The following TTLL9 variants were observed in gnomAD, a reference collection of about 807,000 sequenced individuals.
The protein encoded by TTLL9 is tubulin tyrosine ligase like 9, also known as probable tubulin polyglutamylase TTLL9.
Under a neutral mutation model 65.6 loss-of-function variants are expected in TTLL9, and 47 were observed. The observed-to-expected ratio is 0.72, with a 90% CI of 0.57 to 0.91. The LOEUF (loss-of-function observed/expected upper bound fraction) is 0.91. Ranked by LOEUF, TTLL9 falls within the 40% of genes least tolerant of loss-of-function variation. The probability of loss-of-function intolerance (pLI) is 0.00; values close to 1 mark genes in which losing one functional copy is unlikely to be tolerated. For synonymous variants in TTLL9, 179 were observed against 204.8 expected, an observed-to-expected ratio of 0.87 and a Z score of 1.07; for missense variants, 537 against 568.8, an observed-to-expected ratio of 0.94 and a Z score of 0.57.
intron 13 of TTLL9, 114 bp downstream of exon 13, chr20:31,937,623 G>C: frequency 1.3e-6 from 1 of 764,180 alleles, no homozygotes; most frequent in Non-Finnish European, 2.1e-6. Flanking sequence ...CGATGGCTCT[G>C]GCCTGCCCCA....
At chr20:31,879,781 G>C in intron 2 of TTLL9, 1 of 1,540,524 alleles carries the variant, frequency 6.5e-7, no homozygotes, top group African/African-American at 1.4e-5. Context: ...CATCCAATCA[G>C]AGCGGCGGAT....
chr20:31,876,995 T>A (rs2063046576), intron 2 of TTLL9, among the ~76,000 whole-genome samples: 1 of 152,230 alleles, frequency 6.6e-6, no homozygotes, highest in Non-Finnish European at 1.5e-5. Flanking sequence ...ACTGGCCATT[T>A]GAGTTTCTTC....
At chr20:31,909,657 G>C in intron 5 of TTLL9, 80 bp from the exon 6 acceptor site, 9 of 1,355,718 alleles carry the variant, frequency 6.6e-6, no homozygotes, top group Non-Finnish European at 9.2e-6. Context: ...GCTGCAGGGT[G>C]GCTGGTGGAT....
intron 6 of TTLL9, among the ~76,000 whole-genome samples, chr20:31,912,970 C>A (rs980388909): frequency 3.3e-5 from 5 of 151,916 alleles, no homozygotes; most frequent in African/African-American, 1.2e-4. Context: ...CCAGCCTGGG[C>A]AACATAGCAA....
intron 4 of TTLL9, chr20:31,901,187 A>C (rs2063473277): frequency 6.6e-6 from 1 of 152,304 alleles, no homozygotes; most frequent in African/African-American, 2.4e-5. Flanking sequence ...GAAGCCTTGG[A>C]ACTATAGCAA....
intron 2 of TTLL9, chr20:31,879,841 C>A (rs768486608): frequency 1.9e-6 from 3 of 1,549,828 alleles, no homozygotes; most frequent in Non-Finnish European, 1.7e-6. Flanking sequence ...GCACGCGAGG[C>A]GCGCGGTGGC....
chr20:31,923,118 T>C (rs2063837825), intron 8 of TTLL9, 65 bp downstream of exon 8: 2 of 1,323,090 alleles, frequency 1.5e-6, no homozygotes, highest in Non-Finnish European at 2.2e-6. Context: ...GTCAACAAGC[T>C]TTGACCAGCA....
At chr20:31,920,437 G>C (rs2063800171) in intron 7 of TTLL9, among the ~76,000 whole-genome samples, 1 of 152,156 alleles carries the variant, frequency 6.6e-6, no homozygotes, top group Non-Finnish European at 1.5e-5. Context: ...ACACAGTACA[G>C]TAGAAATCCT....
intron 14 of TTLL9, chr20:31,939,900 GA>G (rs1308579006): frequency 6.6e-6 from 1 of 152,230 alleles, no homozygotes; most frequent in Non-Finnish European, 1.5e-5. Flanking sequence ...TTGTCCGCTA[GA>G]CTCTCCTGCC....
intron 3 of TTLL9, among the ~76,000 whole-genome samples, chr20:31,892,310 G>A (rs773083354): frequency 3.3e-5 from 5 of 151,488 alleles, no homozygotes; most frequent in Non-Finnish European, 5.9e-5. Context: ...CTCCCAAGTA[G>A]CTGGGATTAC....
intron 2 of TTLL9, 145 bp from the exon 3 acceptor site, chr20:31,887,050 CT>C: frequency 1.3e-6 from 1 of 749,122 alleles, no homozygotes; most frequent in Non-Finnish European, 2.2e-6. Flanking sequence ...CCAGTGGGAA[CT>C]TGATCAGGCT....
At position 31,884,968 on chromosome 20, in the gene TTLL9, A is replaced by T. The variant is rs146385867; in HGVS notation, c.70-2228A>T. ...ATTTAAAAATACTGTATCCAATAGC[A>T]TCATAAAATCAAATACCTATGAATG... is the stretch of plus-strand genomic sequence containing the variant. On this transcript the variant is annotated intron_variant, in intron 2 of 14. Transcript: ENST00000535842. Among the ~76,000 whole-genome samples the T allele has an allele frequency of 3.6e-3, 551 of 152,364 alleles. 3 individuals carry two copies. Among genetic ancestry groups the T allele is most frequent in the African/African-American group, 0.012 (518 of 41,586 alleles).
chr20:31,887,348 G>A, intron 3 of TTLL9, 109 bp downstream of exon 3: 1 of 1,240,862 alleles, frequency 8.1e-7, no homozygotes, highest in South Asian at 1.3e-5. Context: ...TAATGAAAAT[G>A]ATAGTAGAAG....
intron 7 of TTLL9, among the ~76,000 whole-genome samples, chr20:31,920,227 G>GCACACACACA (rs1271389019): frequency 2.0e-5 from 2 of 102,006 alleles, no homozygotes; most frequent in African/African-American, 7.2e-5. Context: ...AAGCAAACAC[G>GCACACACACA]CGCACACACA....
In TTLL9 at chr20:31,937,379, C is replaced by T; in HGVS notation, c.1005-17C>T. On this transcript the variant is annotated splice_polypyrimidine_tract_variant and intron_variant, in intron 12 of 14. Coordinates refer to ENST00000535842, the MANE Select transcript of TTLL9 (RefSeq NM_001008409.5). ...GACCGAGTAACCCTAAGACTCTCTA[C>T]TCCCCTCCCTTCCCAGGTGGCTCCT... 2 of 1,604,242 alleles carry T rather than the reference C, an allele frequency of 1.2e-6. No individual in the cohort carries two copies. The highest frequency in any genetic ancestry group is 1.7e-6 in the Non-Finnish European group (2 of 1,171,394).
intron 13 of TTLL9, chr20:31,938,067 CCTCCCT>C (rs1256221001): frequency 1.1e-5 from 3 of 277,726 alleles, no homozygotes; most frequent in Admixed American, 4.0e-5. Context: ...TCCCTTTCTC[CCTCCCT>C]CTCCCTCTCC....
intron 2 of TTLL9, among the ~76,000 whole-genome samples, chr20:31,874,700 G>A (rs572511429): frequency 1.3e-5 from 2 of 152,204 alleles, no homozygotes; most frequent in South Asian, 2.1e-4. Context: ...GTGAGCCACC[G>A]CGCCCAGCCA....
At chr20:31,928,033 T>C in intron 10 of TTLL9, among the ~76,000 whole-genome samples, 1 of 150,912 alleles carries the variant, frequency 6.6e-6, no homozygotes, top group Non-Finnish European at 1.5e-5. Flanking sequence ...TCGAGTTTAG[T>C]TTAATTGCCA....
rs550178537 is a variant in TTLL9, at chr20:31,922,913, A to G, written c.574-50A>G. ...GTGTCTAACAGAATACCTAGTACAC[A>G]GGAAATGTTCCATAAATAAATGTTC... On this transcript the variant is annotated intron_variant, in intron 7 of 14. Coordinates refer to ENST00000535842, the MANE Select transcript of TTLL9 (RefSeq NM_001008409.5). 54 of 1,492,102 alleles carry G rather than the reference A, an allele frequency of 3.6e-5. 1 individual carries two copies. The South Asian group carries it at 5.4e-4, about 15-fold the overall frequency. 92.4% of individuals were successfully genotyped at this position (1,492,102 alleles called of 1,614,324 possible). A position where few individuals can be genotyped will look rare whatever the true frequency, so the allele number is the denominator to read the frequency against.
Sources: allele counts gnomAD v4.1 joint callset (sites outside exome capture counted in the v4.1 genomes callset), GRCh38; gene constraint gnomAD v4.1.1; transcripts MANE v1.5; gene names NCBI Gene and HGNC (gene_info 2026-07-23, HGNC 2026-07-21).